FAAH2: variants seen among roughly 807,000 people sequenced by gnomAD.
FAAH2 encodes fatty-acid amide hydrolase 2.
A neutral mutation model predicts 36.9 loss-of-function variants in FAAH2; 60 were observed. The observed-to-expected ratio is 1.63, with a 90% CI of 1.32 to 2.02. The LOEUF is 2.02. FAAH2 is among the 30% of genes most tolerant of loss of function. FAAH2 has a pLI of 0.00. For synonymous variants in FAAH2, 214 were observed against 143.8 expected, an observed-to-expected ratio of 1.49 and a Z score of -3.49; for missense variants, 689 against 397.5, an observed-to-expected ratio of 1.73 and a Z score of -6.23.
chrX:57,308,545 T>C (rs926626998), intron 2 of FAAH2, among the ~76,000 whole-genome samples: 3 of 112,081 alleles, frequency 2.7e-5, no homozygotes, highest in African/African-American at 9.7e-5. Flanking sequence ...CTCTGTTGGA[T>C]GCATAGTTTG....
chrX:57,407,667 G>A lies in FAAH2; in HGVS notation c.997-24251G>A, dbSNP rs2055600999. On this transcript the variant is annotated intron_variant, in intron 7 of 10. Coordinates refer to ENST00000374900, the MANE Select transcript of FAAH2 (RefSeq NM_174912.4). ...TTGATCTCTTTTATGAGGAGAACTG[G>A]CATTTGGCATCTCTAGTCAGTCATC... Among the ~76,000 whole-genome samples, 3 of 111,560 alleles carry A rather than the reference G, an allele frequency of 2.7e-5. No individual in the cohort carries two copies. In the South Asian group the frequency reaches 1.1e-3, roughly 42 times the overall value.
chrX:57,322,300 G>A (rs2053051959), intron 3 of FAAH2, among the ~76,000 whole-genome samples: 1 of 111,823 alleles, frequency 8.9e-6, no homozygotes, highest in African/African-American at 3.2e-5. Context: ...TGCATTTTTT[G>A]TTTTTAAAGA....
In FAAH2 at chrX:57,449,709, C is replaced by G. The variant is rs376611404; in HGVS notation, c.1423+991C>G. The stretch of plus-strand genomic sequence containing the variant: ...TTCTTGGAGTTTTGCTCTTGTTGCC[C>G]AGGCTGGAATGCAATGGCACAAGCT... On this transcript the variant is annotated intron_variant, in intron 10 of 10. Coordinates refer to ENST00000374900, the MANE Select transcript of FAAH2 (RefSeq NM_174912.4). 1.9e-4 allele frequency among the ~76,000 whole-genome samples: 21 copies of G among 110,380 alleles called. 1 individual carries two copies. The South Asian group carries it at 7.8e-3, about 41-fold the overall frequency.
At chrX:57,487,319 A>G (rs1389915038) in intron 10 of FAAH2, among the ~76,000 whole-genome samples, 1 of 111,352 alleles carries the variant, frequency 9.0e-6, no homozygotes. Context: ...TATATTTCAA[A>G]ATATAACAAT....
intron 2 of FAAH2, among the ~76,000 whole-genome samples, chrX:57,310,136 T>C (rs1376115800): frequency 8.9e-6 from 1 of 112,048 alleles, no homozygotes; most frequent in Non-Finnish European, 1.9e-5. Flanking sequence ...TGGTGAGAGA[T>C]GGTATCTCAT....
At chrX:57,438,950 C>T (rs2056481263) in intron 8 of FAAH2, among the ~76,000 whole-genome samples, 2 of 110,674 alleles carry the variant, frequency 1.8e-5, no homozygotes, top group Non-Finnish European at 3.8e-5. Flanking sequence ...TTTATGGCTG[C>T]ATAGTATTCC....
At chrX:57,267,063 G>T in the FAAH2 span, among the ~76,000 whole-genome samples, 1 of 111,933 alleles carries the variant, frequency 8.9e-6, no homozygotes, top group Non-Finnish European at 1.9e-5. Context: ...TGCCCTGCGA[G>T]CCCACACCAT....
intron 1 of FAAH2, chrX:57,290,257 C>T: frequency 2.7e-6 from 2 of 745,858 alleles, no homozygotes; most frequent in South Asian, 1.4e-4. Flanking sequence ...GTAGCAGTGG[C>T]AGTTGAAGAT....
chrX:57,486,470 T>A (rs766454870), intron 10 of FAAH2, among the ~76,000 whole-genome samples: 5 of 111,992 alleles, frequency 4.5e-5, no homozygotes, highest in African/African-American at 1.6e-4. Context: ...CTATGGTTCC[T>A]GCAGGGCAGT....
intron 7 of FAAH2, among the ~76,000 whole-genome samples, chrX:57,406,846 G>T (rs1181852809): frequency 8.9e-6 from 1 of 112,468 alleles, no homozygotes; most frequent in Non-Finnish European, 1.9e-5. Context: ...TGTGGATGGA[G>T]CCACTATTAA....
At chrX:57,140,435 A>AT in the FAAH2 span, among the ~76,000 whole-genome samples, 1 of 105,773 alleles carries the variant, frequency 9.5e-6, no homozygotes, top group African/African-American at 3.5e-5. Context: ...AAAAAAAAAA[A>AT]AATAGAAAAA....
intron 10 of FAAH2, among the ~76,000 whole-genome samples, chrX:57,485,597 G>A (rs188577772): frequency 3.9e-4 from 43 of 111,565 alleles, no homozygotes; most frequent in South Asian, 3.8e-3. Flanking sequence ...TTTTGATAGC[G>A]TCCCATAATT....
chrX:57,338,201 T>A (rs146401226), intron 4 of FAAH2, among the ~76,000 whole-genome samples: 1,777 of 111,119 alleles, frequency 0.016, 16 homozygotes, highest in Middle Eastern at 0.042. Flanking sequence ...TTTTATAAGA[T>A]GTGGGTAGGT....
At chrX:57,458,359 G>A (rs1482569385) in intron 10 of FAAH2, among the ~76,000 whole-genome samples, 2 of 111,532 alleles carry the variant, frequency 1.8e-5, no homozygotes, top group African/African-American at 6.5e-5. Context: ...AGATAGCTGG[G>A]CAGGTGCCCT....
At chrX:57,328,781 G>A (rs961127025) in intron 3 of FAAH2, among the ~76,000 whole-genome samples, 9 of 111,678 alleles carry the variant, frequency 8.1e-5, no homozygotes, top group East Asian at 2.8e-4. Context: ...ATGGTATAAG[G>A]TAGGTTCATT....
At chrX:57,371,639 G>T (rs766039329) in intron 5 of FAAH2, among the ~76,000 whole-genome samples, 86 of 102,283 alleles carry the variant, frequency 8.4e-4, no homozygotes, top group South Asian at 2.4e-3. Context: ...CTATTTTTTG[G>T]GGGGGGGGTT....
At chrX:57,434,959 T>C (rs1247067468) in intron 8 of FAAH2, among the ~76,000 whole-genome samples, 3 of 110,187 alleles carry the variant, frequency 2.7e-5, no homozygotes, top group Non-Finnish European at 5.7e-5. Context: ...CAGAAGAAAA[T>C]GGAATGGGAT....
At chrX:57,406,407 G>A (rs1281113430) in intron 7 of FAAH2, among the ~76,000 whole-genome samples, 1 of 111,795 alleles carries the variant, frequency 8.9e-6, no homozygotes, top group Non-Finnish European at 1.9e-5. Flanking sequence ...AGTAGGGGAT[G>A]CGTAAGAGCC....
intron 7 of FAAH2, among the ~76,000 whole-genome samples, chrX:57,423,207 C>A (rs758927536): frequency 8.9e-6 from 1 of 111,874 alleles, no homozygotes; most frequent in Non-Finnish European, 1.9e-5. Flanking sequence ...GAGAACTGCA[C>A]GGAAATCTAC....
Sources: gnomAD v4.1 joint callset for allele counts (sites outside exome capture counted in the v4.1 genomes callset) on GRCh38, gnomAD v4.1.1 for gene constraint, MANE v1.5 for transcripts, NCBI Gene and HGNC (gene_info 2026-07-23, HGNC 2026-07-21) for gene names.